Variants in ZNF474 observed in about 807,000 individuals in gnomAD.
ZNF474 encodes zinc finger protein 474.
For missense variants in ZNF474, 511 were observed against 433.8 expected, an observed-to-expected ratio of 1.18 and a Z score of -1.58; for synonymous variants, 192 against 162.2, an observed-to-expected ratio of 1.18 and a Z score of -1.39.
At position 122,152,192 on chromosome 5, in the gene ZNF474, C is replaced by G. The variant is rs1230775509; in HGVS notation, c.202C>G (p.Leu68Val). 6.2e-7 allele frequency: 1 copy of G among 1,614,140 alleles called. No homozygotes were observed. The highest frequency in any genetic ancestry group is 2.2e-5 in the East Asian group (1 of 44,866). ...GAAAAAGAGACCTGGGACTGTGATA[C>G]TATCAAAACTGTCAAGTAGAAGAAT... ...TQKKRPGTVILSKLSSRRIIS... is the reference protein window; with the variant it reads ...TQKKRPGTVIVSKLSSRRIIS... The change falls in exon 2 of 2, where the codon CTA (leucine) becomes GTA (valine). Residue 68 changes from leucine to valine, a missense_variant. By Grantham distance (32) the Leu-to-Val change is conservative. Transcript: ENST00000296600.
At chr5:122,146,479 G>A (rs1755992176) in intron 1 of ZNF474, among the ~76,000 whole-genome samples, 2 of 151,938 alleles carry the variant, frequency 1.3e-5, no homozygotes, top group Admixed American at 1.3e-4. Context: ...TTTAAGAAGT[G>A]TATATTTAAT....
Position 122,152,452 on chromosome 5 carries a change from C to A in ZNF474, c.462C>A (p.Asn154Lys), listed in dbSNP as rs143953702. 1.1e-5 allele frequency: 17 copies of A among 1,614,072 alleles called. No homozygotes were observed. In the African/African-American group the frequency reaches 2.0e-4, roughly 19 times the overall value. Residue 154 changes from asparagine (N) to lysine (K), a missense_variant, in exon 2 of 2, where the codon AAC (asparagine) becomes AAA (lysine). Transcript: ENST00000296600. ...GGTCCTACAGTCTTCAGGCAACTAA[C>A]GAGGCTGCATTTCAGAGTGCCCAGG... ...SSGSYSLQAT[N>K]EAAFQSAQAQ... is the part of the protein sequence containing the mutation.
intron 1 of ZNF474, among the ~76,000 whole-genome samples, chr5:122,137,168 G>C (rs1755720232): frequency 6.6e-6 from 1 of 152,060 alleles, no homozygotes; most frequent in Non-Finnish European, 1.5e-5. Context: ...TATGGGTGCA[G>C]GTGGGTGTGT....
intron 1 of ZNF474, among the ~76,000 whole-genome samples, chr5:122,149,509 G>T (rs2152606675): frequency 6.6e-6 from 1 of 152,232 alleles, no homozygotes; most frequent in East Asian, 1.9e-4. Context: ...TTAAAACAGG[G>T]ATAAAAACTA....
chr5:122,137,371 C>T (rs1377596804), intron 1 of ZNF474, among the ~76,000 whole-genome samples: 6 of 135,536 alleles, frequency 4.4e-5, no homozygotes, highest in South Asian at 2.4e-4. Context: ...TCGCTTGAAC[C>T]TGGAGCCAGA....
Position 122,152,596 on chromosome 5 carries a change from T to G in ZNF474, c.606T>G (p.Ser202=). The change falls in exon 2 of 2, where the codon TCT becomes TCG. Residue 202 remains serine (S), a synonymous_variant. Coordinates refer to ENST00000296600, the MANE Select transcript of ZNF474 (RefSeq NM_207317.3). ...EGPRAPHSNS[S]DHLTGLKKAC... ...CCAGAGCACCACACTCAAACAGTTC[T>G]GATCATCTTACTGGCCTCAAGAAAG... The G allele has an allele frequency of 1.2e-6, 2 of 1,614,186 alleles. No homozygotes were observed. Among genetic ancestry groups the G allele is most frequent in the East Asian group, 2.2e-5 (1 of 44,874 alleles).
At chr5:122,136,172 A>C (rs1755694348) in intron 1 of ZNF474, among the ~76,000 whole-genome samples, 1 of 152,174 alleles carries the variant, frequency 6.6e-6, no homozygotes, top group African/African-American at 2.4e-5. Context: ...AATAATGATA[A>C]ATGCTTGAGG....
intron 1 of ZNF474, among the ~76,000 whole-genome samples, chr5:122,132,896 T>C (rs1755613734): frequency 2.0e-5 from 3 of 152,194 alleles, no homozygotes; most frequent in South Asian, 4.1e-4. Flanking sequence ...ACTTATATTA[T>C]TTGAATACCT....
intron 1 of ZNF474, among the ~76,000 whole-genome samples, chr5:122,131,890 C>T (rs974342744): frequency 2.0e-5 from 3 of 151,830 alleles, no homozygotes; most frequent in African/African-American, 7.3e-5. Context: ...ATAAAATGCA[C>T]CCATTTTAAG....
intron 1 of ZNF474, among the ~76,000 whole-genome samples, chr5:122,151,082 CA>C (rs756881334): frequency 8.4e-4 from 128 of 152,276 alleles, no homozygotes; most frequent in Non-Finnish European, 1.4e-3. Context: ...TGATAATCCT[CA>C]TAAGATTCAT....
chr5:122,152,563 T>G lies in ZNF474; in HGVS notation c.573T>G (p.Gly191=), dbSNP rs748205142. The G allele has an allele frequency of 6.2e-7, 1 of 1,613,986 alleles. No individual in the cohort carries two copies. Among genetic ancestry groups the G allele is most frequent in the Non-Finnish European group, 8.5e-7 (1 of 1,180,036 alleles). ...ATCACAGAAGCTGCAAGCCAAAGGG[T>G]GAGGGTCCCAGAGCACCACACTCAA... is the stretch of plus-strand genomic sequence containing the variant. The part of the protein sequence containing the change: ...LVHHRSCKPK[G]EGPRAPHSNS... Residue 191 remains glycine, a synonymous_variant, in exon 2 of 2, where the codon GGT becomes GGG. Transcript: ENST00000296600.
At chr5:122,145,475 A>G (rs1416062809) in intron 1 of ZNF474, among the ~76,000 whole-genome samples, 1 of 152,166 alleles carries the variant, frequency 6.6e-6, no homozygotes, top group Non-Finnish European at 1.5e-5. Flanking sequence ...ACTCCTGGTC[A>G]TCTTTGGTCT....
chr5:122,134,096 T>C (rs1755640916), intron 1 of ZNF474, among the ~76,000 whole-genome samples: 1 of 152,216 alleles, frequency 6.6e-6, no homozygotes, highest in African/African-American at 2.4e-5. Context: ...CAGAACACCC[T>C]TCCTGAGGGA....
intron 1 of ZNF474, among the ~76,000 whole-genome samples, chr5:122,130,660 TCTC>T (rs1755554177): frequency 6.6e-6 from 1 of 152,166 alleles, no homozygotes; most frequent in Admixed American, 6.5e-5. Context: ...AAAGTATTTT[TCTC>T]CTAATTTTAT....
chr5:122,152,771 C>A lies in ZNF474; in HGVS notation c.781C>A (p.Pro261Thr), dbSNP rs146091860. ...NDRLPVELHQ[P>T]LPQKPQPLPN... ...CCGGCTCCCTGTGGAGCTCCACCAG[C>A]CACTCCCACAGAAGCCTCAGCCCCT... Residue 261 changes from proline to threonine, a missense_variant, in exon 2 of 2, where the codon CCA becomes ACA. Physicochemically the swap from Pro to Thr is conservative, Grantham distance 38. Coordinates refer to ENST00000296600, the MANE Select transcript of ZNF474 (RefSeq NM_207317.3). The A allele has an allele frequency of 1.1e-5, 17 of 1,614,068 alleles. No homozygotes were observed. The highest frequency in any genetic ancestry group is 3.3e-4 in the Middle Eastern group (2 of 6,084).
In ZNF474 at chr5:122,135,564, C is replaced by G. The variant is rs183415899; in HGVS notation, c.-213+5881C>G. On this transcript the variant is annotated intron_variant, in intron 1 of 1. Transcript: ENST00000296600. The stretch of plus-strand genomic sequence containing the variant: ...TGGTAGGAATGTAAATTAGTACAGC[C>G]ACTATGAACAGTATGGAAGTTCCTC... Among the ~76,000 whole-genome samples, 33 of 152,212 alleles carry G rather than the reference C, an allele frequency of 2.2e-4. No individual in the cohort carries two copies. In the East Asian group the frequency reaches 5.2e-3, roughly 24 times the overall value.
At chr5:122,149,959 G>T (rs1429160689) in intron 1 of ZNF474, among the ~76,000 whole-genome samples, 1 of 151,732 alleles carries the variant, frequency 6.6e-6, no homozygotes, top group African/African-American at 2.4e-5. Context: ...GAAAGAGACA[G>T]AGAGAGAGAA....
intron 1 of ZNF474, among the ~76,000 whole-genome samples, chr5:122,145,240 A>T (rs1427496328): frequency 6.6e-6 from 1 of 152,196 alleles, no homozygotes; most frequent in Admixed American, 6.6e-5. Context: ...TCTCAAAGCC[A>T]TGCCTCAGGC....
At chr5:122,146,822 T>G (rs1352907573) in intron 1 of ZNF474, among the ~76,000 whole-genome samples, 1 of 152,234 alleles carries the variant, frequency 6.6e-6, no homozygotes, top group Non-Finnish European at 1.5e-5. Flanking sequence ...TGTTCTCAAC[T>G]GGCTGCTAAA....
Sources: allele counts gnomAD v4.1 joint callset (sites outside exome capture counted in the v4.1 genomes callset), GRCh38; gene constraint gnomAD v4.1.1; transcripts MANE v1.5; gene names NCBI Gene and HGNC (gene_info 2026-07-23, HGNC 2026-07-21).